COX7B: variants seen among roughly 807,000 people sequenced by gnomAD.
COX7B encodes the protein cytochrome c oxidase subunit 7B, mitochondrial.
In COX7B, 2 loss-of-function variants were observed where a neutral mutation model predicts 7.9. The ratio of observed to expected loss-of-function variants is 0.25; its 90% confidence interval spans 0.10 to 0.79. COX7B has a LOEUF of 0.79. COX7B is among the 30% of genes least tolerant of loss of function. COX7B has a pLI of 0.69. For missense variants in COX7B, 54 were observed against 62.7 expected (o/e 0.86, Z 0.47); for synonymous variants, 19 against 21.1 (o/e 0.90, Z 0.27).
intron 1 of COX7B, among the ~76,000 whole-genome samples, chrX:77,902,308 T>G (rs888660325): frequency 6.3e-5 from 7 of 111,909 alleles, no homozygotes; most frequent in Admixed American, 2.9e-4. Context: ...CATTCTTTGC[T>G]TTTTTCCCCC....
intron 2 of COX7B, chrX:77,902,991 G>T: frequency 1.4e-5 from 4 of 283,599 alleles, no homozygotes; most frequent in African/African-American, 2.8e-5. Context: ...TCACAAGGCA[G>T]CCCTTTCCAT....
rs1351543114 is a variant in COX7B, at chrX:77,906,122, T to C, written c.*861T>C. 1.8e-5 allele frequency: 2 copies of C among 112,214 alleles called. No homozygotes were observed. The highest frequency in any genetic ancestry group is 5.6e-4 in the East Asian group (2 of 3,586). The allele number at this position is 112,214 out of a possible 1,213,427, so 9.2% of individuals were successfully genotyped here. ...TTATGAGGTAATGTGAAAGGAAAAT[T>C]TGCCTTTGACCTGGAAGTCAACTTT... On this transcript the variant is annotated 3_prime_UTR_variant, in exon 3 of 3. Transcript: ENST00000650309.
rs781971066 is a variant in COX7B at position 77,905,171 on chromosome X, T to G, written c.166-13T>G. 1 of 1,196,138 alleles carries G rather than the reference T, an allele frequency of 8.4e-7. No individual in the cohort carries two copies. The highest frequency in any genetic ancestry group is 1.7e-5 in the African/African-American group (1 of 57,536). ...GTTTAAACACGTAACTGACAGCATT[T>G]TAATTCTTACAGGTAGCAACACAAG... On this transcript the variant is annotated splice_polypyrimidine_tract_variant and intron_variant, in intron 2 of 2. Transcript: ENST00000650309.
At chrX:77,901,537 A>AACTT (rs2077120000) in intron 1 of COX7B, among the ~76,000 whole-genome samples, 1 of 110,438 alleles carries the variant, frequency 9.1e-6, no homozygotes, top group African/African-American at 3.3e-5. Context: ...GCCGTTTGAA[A>AACTT]ACTTTTGTTC....
chrX:77,902,504 T>C (rs1377057919), intron 1 of COX7B, 139 bp from the exon 2 acceptor site: 10 of 597,548 alleles, frequency 1.7e-5, no homozygotes, highest in Non-Finnish European at 2.3e-5. Context: ...CTACAATATG[T>C]TTTAACATTT....
intron 1 of COX7B, among the ~76,000 whole-genome samples, chrX:77,900,224 G>C (rs1296354023): frequency 9.0e-6 from 1 of 111,148 alleles, no homozygotes; most frequent in African/African-American, 3.3e-5. Context: ...AAAATTAGCC[G>C]GGCGTGGTGG....
chrX:77,905,066 G>A, intron 2 of COX7B, 118 bp from the exon 3 acceptor site: 2 of 577,652 alleles, frequency 3.5e-6, no homozygotes, highest in East Asian at 3.5e-5. Context: ...TAGATCCCAG[G>A]TGAGTTTCTG....
intron 1 of COX7B, among the ~76,000 whole-genome samples, 188 bp from the exon 2 acceptor site, chrX:77,902,455 C>T (rs1322124852): frequency 8.9e-6 from 1 of 112,429 alleles, no homozygotes; most frequent in African/African-American, 3.2e-5. Context: ...GTCAATTCAT[C>T]TTATTTTTGT....
At position 77,905,578 on chromosome X, in the gene COX7B, C is replaced by T. The variant is rs147413588; in HGVS notation, c.*317C>T. 948 of 149,270 alleles carry T rather than the reference C, an allele frequency of 6.4e-3. 11 individuals carry two copies. The highest frequency in any genetic ancestry group is 0.03 in the African/African-American group (886 of 29,220). 12.3% of individuals were successfully genotyped at this position (149,270 alleles called of 1,213,427 possible). On this transcript the variant is annotated 3_prime_UTR_variant, in exon 3 of 3. Transcript: ENST00000650309. ...CCATCTCAGCTCACTGCGACCTCTG[C>T]CTCCTGAGTTCAAGTGATTCTCCTG...
At position 77,899,502 on chromosome X, in the gene COX7B, A is replaced by G; in HGVS notation, c.-52A>G. 2 of 1,196,237 alleles carry G rather than the reference A, an allele frequency of 1.7e-6. No homozygotes were observed. Among genetic ancestry groups the G allele is most frequent in the Non-Finnish European group, 2.3e-6 (2 of 881,934 alleles). ...CTCACTTCAAGGGTACCTGAAGCGA[A>G]TTGGCACCAAAGCAGCAGCTGTATT... On this transcript the variant is annotated 5_prime_UTR_variant, in exon 1 of 3. Transcript: ENST00000650309.
In COX7B at chrX:77,907,252, C is replaced by T. The variant is rs1253086986; in HGVS notation, c.*1991C>T. 9.0e-6 allele frequency: 1 copy of T among 111,658 alleles called. No individual in the cohort carries two copies. The highest frequency in any genetic ancestry group is 1.9e-5 in the Non-Finnish European group (1 of 53,174). 9.2% of individuals were successfully genotyped at this position (111,658 alleles called of 1,213,427 possible). On this transcript the variant is annotated 3_prime_UTR_variant, in exon 3 of 3. Transcript: ENST00000650309. ...TACCACTGTTTGATAAATTTGAACG[C>T]TTTATGGTATTTCATATTTAGAATG...
At chrX:77,902,317 C>G (rs1476922611) in intron 1 of COX7B, among the ~76,000 whole-genome samples, 6 of 111,600 alleles carry the variant, frequency 5.4e-5, no homozygotes, top group Non-Finnish European at 1.1e-4. Context: ...CTTTTTTCCC[C>G]CAACACTATT....
At position 77,905,250 on chromosome X, in the gene COX7B, A is replaced by G. The variant is rs1232699344; in HGVS notation, c.232A>G (p.Arg78Gly). 8.3e-7 allele frequency: 1 copy of G among 1,200,459 alleles called. No homozygotes were observed. The highest frequency in any genetic ancestry group is 1.1e-6 in the Non-Finnish European group (1 of 887,792). ...PVGRVTPKEW[R>G]NQ ...TGGCAGAGTTACCCCAAAGGAATGG[A>G]GGAATCAGTAATCATCCCAGCTGGT... is the stretch of plus-strand genomic sequence containing the variant. The change falls in exon 3 of 3, where the codon AGG (arginine) becomes GGG (glycine). Residue 78 changes from arginine to glycine, a missense_variant. Physicochemically the swap from Arg to Gly is moderately radical, Grantham distance 125 (BLOSUM62 -2). Transcript: ENST00000650309.
intron 2 of COX7B, chrX:77,903,088 C>T (rs1317391358): frequency 7.9e-5 from 10 of 126,831 alleles, no homozygotes; most frequent in Non-Finnish European, 1.4e-4. Flanking sequence ...TGCAGTGGTG[C>T]GATCTTGGCT....
intron 1 of COX7B, among the ~76,000 whole-genome samples, chrX:77,899,823 C>T (rs1291788783): frequency 9.0e-6 from 1 of 111,224 alleles, no homozygotes; most frequent in East Asian, 2.8e-4. Context: ...TAGTCTAGCC[C>T]TGCTTTTTAA....
rs782309463 is a variant in COX7B, at chrX:77,905,167, C to T, written c.166-17C>T. On this transcript the variant is annotated splice_polypyrimidine_tract_variant and intron_variant, in intron 2 of 2. Coordinates refer to ENST00000650309, the MANE Select transcript of COX7B (RefSeq NM_001866.3). ...TCTGGTTTAAACACGTAACTGACAGCATTTTAATTCTTACAGGTAGCAACA... is the reference window on the plus strand; with the variant it reads ...TCTGGTTTAAACACGTAACTGACAGTATTTTAATTCTTACAGGTAGCAACA... 1 of 1,179,782 alleles carries T rather than the reference C, an allele frequency of 8.5e-7. No individual in the cohort carries two copies. The highest frequency in any genetic ancestry group is 1.2e-6 in the Non-Finnish European group (1 of 866,948).
chrX:77,901,209 G>C (rs369998258), intron 1 of COX7B, among the ~76,000 whole-genome samples: 14 of 109,828 alleles, frequency 1.3e-4, no homozygotes, highest in African/African-American at 3.6e-4. Flanking sequence ...GTACCATGTA[G>C]AAATATTCAT....
chrX:77,902,510 C>G, intron 1 of COX7B, 133 bp from the exon 2 acceptor site: 1 of 621,294 alleles, frequency 1.6e-6, no homozygotes, highest in Non-Finnish European at 2.4e-6. Context: ...TATGTTTTAA[C>G]ATTTTATTGA....
intron 2 of COX7B, among the ~76,000 whole-genome samples, 156 bp from the exon 3 acceptor site, chrX:77,905,028 A>T (rs1485576053): frequency 1.8e-5 from 2 of 112,082 alleles, no homozygotes; most frequent in Admixed American, 9.5e-5. Context: ...TTAGGACAGC[A>T]ATCAGGTTTG....
Sources: gnomAD v4.1 joint callset for allele counts (sites outside exome capture counted in the v4.1 genomes callset) on GRCh38, gnomAD v4.1.1 for gene constraint, MANE v1.5 for transcripts, NCBI Gene and HGNC (gene_info 2026-07-23, HGNC 2026-07-21) for gene names.